NRXN1: variants seen among roughly 807,000 people sequenced by gnomAD.
NRXN1 encodes the protein neurexin-1.
A neutral mutation model predicts 150.9 loss-of-function variants in NRXN1; 39 were observed. That is an observed-to-expected ratio of 0.26 (90% CI 0.20 to 0.34). The LOEUF (loss-of-function observed/expected upper bound fraction) is 0.34. NRXN1 is among the 10% of genes least tolerant of loss of function. The probability of loss-of-function intolerance (pLI) is 1.00; values close to 1 mark genes in which losing one functional copy is unlikely to be tolerated. For synonymous variants in NRXN1, 924 were observed against 757.0 expected (o/e 1.22, Z -3.62); for missense variants, 1,815 against 1,949.9 (o/e 0.93, Z 1.30).
At chr2:50,225,299 C>A (rs2064264490) in intron 18 of NRXN1, among the ~76,000 whole-genome samples, 1 of 151,802 alleles carries the variant, frequency 6.6e-6, no homozygotes, top group African/African-American at 2.4e-5. Flanking sequence ...ACTTATTTCT[C>A]CATTCACTCA....
At chr2:50,822,284 A>G (rs1285399006) in intron 5 of NRXN1, among the ~76,000 whole-genome samples, 1 of 152,182 alleles carries the variant, frequency 6.6e-6, no homozygotes, top group African/African-American at 2.4e-5. Context: ...CTCAGTATCT[A>G]AAACAATTAC....
chr2:50,603,591 T>C (rs1474291683), intron 8 of NRXN1, among the ~76,000 whole-genome samples: 5 of 152,194 alleles, frequency 3.3e-5, no homozygotes, highest in African/African-American at 1.2e-4. Context: ...CTCTCTTACC[T>C]TTTTGGAATA....
At chr2:50,158,971 C>A (rs532326871) in intron 18 of NRXN1, among the ~76,000 whole-genome samples, 4 of 152,014 alleles carry the variant, frequency 2.6e-5, no homozygotes, top group Non-Finnish European at 5.9e-5. Context: ...ATTCATCACA[C>A]GCAAGGTAAC....
intron 18 of NRXN1, among the ~76,000 whole-genome samples, chr2:50,093,473 G>T (rs12713085): frequency 2.1e-5 from 3 of 140,976 alleles, no homozygotes; most frequent in Admixed American, 1.4e-4. Context: ...AAAAGAAAAA[G>T]AAAAAAAAAA....
chr2:50,938,583 T>C (rs1336883300), intron 2 of NRXN1, among the ~76,000 whole-genome samples: 1 of 152,186 alleles, frequency 6.6e-6, no homozygotes, highest in African/African-American at 2.4e-5. Context: ...ATATCAATTT[T>C]CTGTATTAGT....
intron 17 of NRXN1, among the ~76,000 whole-genome samples, chr2:50,444,959 T>G (rs1044769948): frequency 3.9e-5 from 6 of 152,140 alleles, no homozygotes; most frequent in African/African-American, 1.2e-4. Context: ...AATTTAACAC[T>G]CAGGCAAGTG....
intron 5 of NRXN1, among the ~76,000 whole-genome samples, chr2:50,649,033 T>C (rs1685205948): frequency 1.3e-5 from 2 of 152,130 alleles, no homozygotes; most frequent in African/African-American, 2.4e-5. Context: ...AGCTCTGAGC[T>C]GGATTAGGTT....
chr2:50,192,331 T>C (rs2061495257), intron 18 of NRXN1, among the ~76,000 whole-genome samples: 3 of 152,294 alleles, frequency 2.0e-5, no homozygotes, highest in East Asian at 3.9e-4. Flanking sequence ...TTAGAGACTA[T>C]AATGTAACTT....
intron 5 of NRXN1, among the ~76,000 whole-genome samples, chr2:50,759,288 C>T (rs1015769186): frequency 6.6e-6 from 1 of 151,848 alleles, no homozygotes; most frequent in Non-Finnish European, 1.5e-5. Context: ...GGTACAAAAT[C>T]CCATTGAAAA....
chr2:50,267,007 C>A (rs2068977873), intron 17 of NRXN1, among the ~76,000 whole-genome samples: 1 of 152,156 alleles, frequency 6.6e-6, no homozygotes, highest in Non-Finnish European at 1.5e-5. Flanking sequence ...TTTGTGCACA[C>A]CTTATGATCA....
chr2:50,715,689 T>C (rs1695776570), intron 5 of NRXN1, among the ~76,000 whole-genome samples: 1 of 152,130 alleles, frequency 6.6e-6, no homozygotes, highest in African/African-American at 2.4e-5. Flanking sequence ...TTTGCTTAGT[T>C]TGCATGCAAC....
At chr2:50,313,742 C>T (rs1238829261) in intron 17 of NRXN1, among the ~76,000 whole-genome samples, 1 of 151,984 alleles carries the variant, frequency 6.6e-6, no homozygotes, top group African/African-American at 2.4e-5. Context: ...TGGAAGACAT[C>T]AGGATTGCTA....
chr2:49,936,177 C>T (rs1246640338), intron 22 of NRXN1, among the ~76,000 whole-genome samples: 1 of 152,180 alleles, frequency 6.6e-6, no homozygotes, highest in Admixed American at 6.5e-5. Context: ...CAAGTAAATG[C>T]TTAATCTCAC....
At chr2:50,342,217 CA>C (rs2077601039) in intron 17 of NRXN1, among the ~76,000 whole-genome samples, 1 of 152,130 alleles carries the variant, frequency 6.6e-6, no homozygotes, top group Admixed American at 6.5e-5. Context: ...TTTGGGCAAC[CA>C]AAAAATTATT....
At chr2:50,552,449 C>T in intron 9 of NRXN1, 138 bp downstream of exon 9, 1 of 655,118 alleles carries the variant, frequency 1.5e-6, no homozygotes, top group South Asian at 2.0e-5. Context: ...GAAACAGAAG[C>T]AATATCAGGC....
chr2:50,396,287 G>C (rs2082046148), intron 17 of NRXN1, among the ~76,000 whole-genome samples: 1 of 152,196 alleles, frequency 6.6e-6, no homozygotes, highest in South Asian at 2.1e-4. Flanking sequence ...TGTTTATTTA[G>C]ACTTCATTAT....
At chr2:50,400,600 T>G (rs2082330031) in intron 17 of NRXN1, among the ~76,000 whole-genome samples, 1 of 152,028 alleles carries the variant, frequency 6.6e-6, no homozygotes, top group South Asian at 2.1e-4. Flanking sequence ...AGTTTCCAGG[T>G]GAAAGGACAT....
chr2:50,392,543 TATC>T (rs1437635510), intron 17 of NRXN1, among the ~76,000 whole-genome samples: 1 of 152,150 alleles, frequency 6.6e-6, no homozygotes, highest in East Asian at 1.9e-4. Flanking sequence ...AAATATTAAA[TATC>T]ATAAATCAGT....
intron 5 of NRXN1, among the ~76,000 whole-genome samples, chr2:50,855,343 G>A (rs189300729): frequency 6.6e-5 from 10 of 151,966 alleles, no homozygotes; most frequent in Non-Finnish European, 1.3e-4. Context: ...TCCAAAAAAA[G>A]TATCCATCTT....
Sources: gnomAD v4.1 joint callset for allele counts (sites outside exome capture counted in the v4.1 genomes callset) on GRCh38, gnomAD v4.1.1 for gene constraint, MANE v1.5 for transcripts, NCBI Gene and HGNC (gene_info 2026-07-23, HGNC 2026-07-21) for gene names.